NOTCH2: variants seen among roughly 807,000 people sequenced by gnomAD.
NOTCH2 encodes neurogenic locus notch homolog protein 2.
A neutral mutation model predicts 235.8 loss-of-function variants in NOTCH2; 29 were observed. The observed-to-expected ratio is 0.12, with a 90% CI of 0.09 to 0.17. The LOEUF (loss-of-function observed/expected upper bound fraction) is 0.17, where lower values mean the gene tolerates loss of function less well. Among genes scored for constraint, NOTCH2 ranks in the 10% least tolerant of loss-of-function variants. The probability of loss-of-function intolerance (pLI) is 1.00; values close to 1 mark genes in which losing one functional copy is unlikely to be tolerated. For missense variants in NOTCH2, 2,285 were observed against 3,150.2 expected (o/e 0.73, Z 6.57); for synonymous variants, 1,086 against 1,141.5 (o/e 0.95, Z 0.98).
At chr1:120,010,685 T>C (rs1339291831) in intron 2 of NOTCH2, among the ~76,000 whole-genome samples, 5 of 152,214 alleles carry the variant, frequency 3.3e-5, no homozygotes, top group African/African-American at 7.2e-5. Context: ...ACTGGCTGAC[T>C]ACTTCAACAA....
At chr1:119,943,457 T>C (rs1338996450) in intron 17 of NOTCH2, among the ~76,000 whole-genome samples, 1 of 152,206 alleles carries the variant, frequency 6.6e-6, no homozygotes, top group East Asian at 1.9e-4. Context: ...AGTAGAGTCC[T>C]GAGGGACCCC....
intron 2 of NOTCH2, among the ~76,000 whole-genome samples, chr1:120,025,762 C>A (rs1406431559): frequency 2.2e-5 from 2 of 90,214 alleles, no homozygotes; most frequent in Non-Finnish European, 4.2e-5. Context: ...CCTTAAAATA[C>A]ATATTTTGTC....
rs1290920416 is a variant in NOTCH2 at position 119,920,304 on chromosome 1, T to C, written c.5404A>G (p.Thr1802Ala). Residue 1802 changes from threonine to alanine, a missense_variant, in exon 30 of 34, where the codon ACA becomes GCA. This residue lies in a region of NOTCH2 where 1,173 missense variants were observed against 1,515.3 expected (regional missense o/e 0.77). Coordinates refer to ENST00000256646, the MANE Select transcript of NOTCH2 (RefSeq NM_024408.4). ...GGAGGGGTGAGAGCCAGCGATGGTG[T>C]CCTACGGATGTCTGCAGCTTCAAGG... ...QHLEAADIRR[T>A]PSLALTPPQA... The C allele has an allele frequency of 1.2e-6, 2 of 1,614,118 alleles. No homozygotes were observed. The highest frequency in any genetic ancestry group is 8.5e-7 in the Non-Finnish European group (1 of 1,179,998).
intron 5 of NOTCH2, among the ~76,000 whole-genome samples, chr1:119,981,580 T>C (rs587744327): frequency 1.6e-4 from 24 of 152,276 alleles, no homozygotes; most frequent in African/African-American, 5.5e-4. Flanking sequence ...AGTCATGGAC[T>C]GCAGGGCAGG....
chr1:119,955,398 C>T (rs1293016077), intron 12 of NOTCH2, among the ~76,000 whole-genome samples, 166 bp from the exon 13 acceptor site: 4 of 152,162 alleles, frequency 2.6e-5, no homozygotes, highest in African/African-American at 7.2e-5. Flanking sequence ...ACACTTAATG[C>T]CATGCAAAGG....
chr1:119,963,470 G>T (rs1199370699), intron 11 of NOTCH2, 104 bp downstream of exon 11: 3 of 1,078,040 alleles, frequency 2.8e-6, no homozygotes, highest in Admixed American at 1.7e-5. Flanking sequence ...AATCAGGACT[G>T]TTTTTTAGGT....
intron 11 of NOTCH2, among the ~76,000 whole-genome samples, chr1:119,962,713 A>G (rs1218366489): frequency 3.9e-5 from 6 of 152,206 alleles, no homozygotes; most frequent in Non-Finnish European, 8.8e-5. Flanking sequence ...TCACTCCTTT[A>G]TATTGGCAGG....
chr1:119,979,144 C>T (rs1400129601), intron 5 of NOTCH2, among the ~76,000 whole-genome samples: 1 of 152,258 alleles, frequency 6.6e-6, no homozygotes, highest in African/African-American at 2.4e-5. Context: ...CTATAAAGGA[C>T]TGACCTGACA....
At position 120,005,367 on chromosome 1, in the gene NOTCH2, C is replaced by G; in HGVS notation, c.377G>C (p.Arg126Pro). 5 of 1,613,984 alleles carry G rather than the reference C, an allele frequency of 3.1e-6. No individual in the cohort carries two copies. The highest frequency in any genetic ancestry group is 4.2e-6 in the Non-Finnish European group (5 of 1,179,864). ...LNGGTCHMLS[R>P]DTYECTCQVG... is the part of the protein sequence containing the mutation. ...TTGACAGGTGCACTCATAGGTATCC[C>G]GGCTGAGCATATGGCATGTGCCGCC... is the stretch of plus-strand genomic sequence containing the variant. The change falls in exon 3 of 34, where the codon CGG (arginine) becomes CCG (proline). Residue 126 changes from arginine (R) to proline (P), a missense_variant. Arg to Pro is a moderately radical substitution (Grantham distance 103). Transcript: ENST00000256646.
In NOTCH2 at chr1:119,935,224, A is replaced by G. The variant is rs759289101; in HGVS notation, c.3655+248T>C. ...GTTATGCTAATGTTGTATCCCTTCC[A>G]TATTCTGTGTTTCATGGAATATCAA... On this transcript the variant is annotated intron_variant, in intron 22 of 33. Transcript: ENST00000256646. 23 of 1,392,026 alleles carry G rather than the reference A, an allele frequency of 1.7e-5. No homozygotes were observed. The African/African-American group carries it at 3.2e-4, about 19-fold the overall frequency. 86.2% of individuals were successfully genotyped at this position (1,392,026 alleles called of 1,614,324 possible). A position where few individuals can be genotyped will look rare whatever the true frequency, so the allele number is the denominator to read the frequency against.
chr1:120,011,659 G>C (rs1270704380), intron 2 of NOTCH2, among the ~76,000 whole-genome samples: 2 of 151,856 alleles, frequency 1.3e-5, no homozygotes, highest in Non-Finnish European at 2.9e-5. Flanking sequence ...TGTATTACTC[G>C]CTCCAGTGCT....
At chr1:120,005,142 T>C in intron 3 of NOTCH2, 187 bp downstream of exon 3, 1 of 825,958 alleles carries the variant, frequency 1.2e-6, no homozygotes, top group Non-Finnish European at 2.0e-6. Context: ...TTTCTCTTTC[T>C]CTGCCCCCTG....
At chr1:120,003,865 T>C (rs1485302271) in intron 3 of NOTCH2, among the ~76,000 whole-genome samples, 1 of 151,622 alleles carries the variant, frequency 6.6e-6, no homozygotes, top group Non-Finnish European at 1.5e-5. Flanking sequence ...TGTAACTGTA[T>C]GGAAGCAATA....
chr1:120,041,041 C>CAAAAAAAAAA (rs71586698), intron 1 of NOTCH2, among the ~76,000 whole-genome samples: 1 of 15,670 alleles, frequency 6.4e-5, no homozygotes, highest in Non-Finnish European at 1.1e-4. Context: ...ACTCTGCCTG[C>CAAAAAAAAAA]AAAAAAAAAA....
intron 19 of NOTCH2, among the ~76,000 whole-genome samples, 174 bp downstream of exon 19, chr1:119,940,381 G>A (rs1355283780): frequency 5.3e-5 from 8 of 152,014 alleles, no homozygotes; most frequent in Admixed American, 5.2e-4. Context: ...ATATCATATT[G>A]CCAGCACCAT....
At position 119,916,643 on chromosome 1, in the gene NOTCH2, T is replaced by C. The variant is rs1283460236; in HGVS notation, c.6079A>G (p.Lys2027Glu). The change falls in exon 34 of 34, where the codon AAG (lysine) becomes GAG (glutamate). Residue 2027 changes from lysine (K) to glutamate (E), a missense_variant. This residue lies in a region of NOTCH2 where 128 missense variants were observed against 255.9 expected (regional missense o/e 0.50). Transcript: ENST00000256646. The stretch of plus-strand genomic sequence containing the variant: ...TTGGCAAAATGGTCTAACAGGATCT[T>C]GGCTGCTTCATAGCTCCCCTCCCGG... ...AAREGSYEAA[K>E]ILLDHFANRD... is the part of the protein sequence containing the mutation. The C allele has an allele frequency of 1.2e-6, 2 of 1,614,064 alleles. No homozygotes were observed. Among genetic ancestry groups the C allele is most frequent in the Admixed American group, 3.3e-5 (2 of 60,008 alleles).
At chr1:120,045,610 G>A (rs1319444392) in intron 1 of NOTCH2, among the ~76,000 whole-genome samples, 2 of 151,410 alleles carry the variant, frequency 1.3e-5, no homozygotes, top group African/African-American at 4.9e-5. Context: ...GAAAGGGAGG[G>A]TTGTTAGTTC....
Position 119,916,629 on chromosome 1 carries a change from G to A in NOTCH2, c.6093C>T (p.Asp2031=), listed in dbSNP as rs2101145119. Residue 2031 remains aspartate, a synonymous_variant, in exon 34 of 34, where the codon GAC becomes GAT. Transcript: ENST00000256646. ...CTGTGATGTCTCGATTGGCAAAATGGTCTAACAGGATCTTGGCTGCTTCAT... is the reference window on the plus strand; with the variant it reads ...CTGTGATGTCTCGATTGGCAAAATGATCTAACAGGATCTTGGCTGCTTCAT... ...GSYEAAKILL[D]HFANRDITDH... is the part of the protein sequence containing the mutation. 4 of 1,614,166 alleles carry A rather than the reference G, an allele frequency of 2.5e-6. No individual in the cohort carries two copies. The highest frequency in any genetic ancestry group is 3.4e-6 in the Non-Finnish European group (4 of 1,180,038).
Position 119,915,952 on chromosome 1 carries a change from A to G in NOTCH2, c.6770T>C (p.Met2257Thr). Residue 2257 changes from methionine (M) to threonine (T), a missense_variant, in exon 34 of 34, where the codon ATG (methionine) becomes ACG (threonine). Coordinates refer to ENST00000256646, the MANE Select transcript of NOTCH2 (RefSeq NM_024408.4). ...VPVPADWMNR[M>T]EVNETQYNEM... The stretch of plus-strand genomic sequence containing the variant: ...ATTGTACTGGGTCTCATTCACCTCC[A>G]TGCGGTTCATCCAATCTGCTGGGAC... The G allele has an allele frequency of 6.2e-7, 1 of 1,614,142 alleles. No homozygotes were observed. Among genetic ancestry groups the G allele is most frequent in the Non-Finnish European group, 8.5e-7 (1 of 1,180,018 alleles).
Sources: gnomAD v4.1 joint callset for allele counts (sites outside exome capture counted in the v4.1 genomes callset) on GRCh38, gnomAD v4.1.1 for gene constraint, gnomAD v4.1.1 regional missense constraint, MANE v1.5 for transcripts, NCBI Gene and HGNC (gene_info 2026-07-23, HGNC 2026-07-21) for gene names.